The following EIF2AK1 variants were observed in gnomAD, a reference collection of about 807,000 sequenced individuals.
EIF2AK1 encodes the protein eukaryotic translation initiation factor 2-alpha kinase 1.
EIF2AK1 carries 54 observed loss-of-function variants against 77.9 expected under a neutral mutation model. The observed-to-expected ratio is 0.69, with a 90% CI of 0.56 to 0.87. EIF2AK1 has a LOEUF of 0.87. EIF2AK1 is among the 40% of genes least tolerant of loss of function. The pLI is 0.00. For synonymous variants in EIF2AK1, 314 were observed against 290.5 expected (o/e 1.08, Z -0.82); for missense variants, 810 against 768.6 (o/e 1.05, Z -0.64).
chr7:6,031,661 C>T (rs1324198879), intron 11 of EIF2AK1: 27 of 1,460,866 alleles, frequency 1.8e-5, no homozygotes, highest in Non-Finnish European at 2.4e-5. Flanking sequence ...TGATCTAAAG[C>T]TGGTGAACCC....
At position 6,035,913 on chromosome 7, in the gene EIF2AK1, C is replaced by T. The variant is rs1052889850; in HGVS notation, c.1332+1511G>A. The T allele has an allele frequency of 1.4e-5, 21 of 1,546,624 alleles. No individual in the cohort carries two copies. Among genetic ancestry groups the T allele is most frequent in the Non-Finnish European group, 1.8e-5 (21 of 1,144,494 alleles). On this transcript the variant is annotated intron_variant, in intron 11 of 14. Transcript: ENST00000199389. The surrounding 1 kb of genome is among the most constrained non-coding windows in gnomAD (Gnocchi z 5.5). ...CCTCGGGGCGGGGGTCAGCTGCATC[C>T]GTCTGCTACTCACTCACGGAGCCAA...
At chr7:6,046,240 A>C in intron 5 of EIF2AK1, 89 bp from the exon 6 acceptor site, 1 of 660,506 alleles carries the variant, frequency 1.5e-6, no homozygotes, top group East Asian at 3.3e-5. Context: ...TAGACAATCC[A>C]AACTAGCCAA....
In EIF2AK1 at chr7:6,023,907, A is replaced by T. The variant is rs906157945; in HGVS notation, c.*766T>A. On this transcript the variant is annotated 3_prime_UTR_variant, in exon 15 of 15. Transcript: ENST00000199389. ...GTGATGACTGCCAACTCCATGGCAG[A>T]CCCTTTCTGGGATTCAAAAACCAAT... 4.7e-6 allele frequency: 7 copies of T among 1,495,652 alleles called. No homozygotes were observed. Among genetic ancestry groups the T allele is most frequent in the Non-Finnish European group, 5.4e-6 (6 of 1,119,558 alleles). The allele number at this position is 1,495,652 out of a possible 1,614,324, so 92.6% of individuals were successfully genotyped here.
intron 6 of EIF2AK1, among the ~76,000 whole-genome samples, 200 bp from the exon 7 acceptor site, chr7:6,044,861 A>G (rs935322597): frequency 2.0e-5 from 3 of 152,212 alleles, no homozygotes; most frequent in African/African-American, 7.2e-5. Flanking sequence ...GTATTTTATT[A>G]TAAAATATGC....
rs571116443 is a variant in EIF2AK1, at chr7:6,041,156, G to A, written c.855C>T (p.Thr285=). ...SSSSIIFAEP[T]PEKEKRFGES... ...CTCCAAAGCGTTTTTCTTTTTCTGG[G>A]GTGGGCTCAGCAAAGATAATGGATG... The change falls in exon 9 of 15, where the codon ACC becomes ACT. Residue 285 remains threonine, a synonymous_variant. Transcript: ENST00000199389. 1.9e-6 allele frequency: 3 copies of A among 1,613,868 alleles called. No homozygotes were observed. Among genetic ancestry groups the A allele is most frequent in the African/African-American group, 2.7e-5 (2 of 74,928 alleles).
At chr7:6,031,627 A>C in intron 11 of EIF2AK1, 1 of 1,543,692 alleles carries the variant, frequency 6.5e-7, no homozygotes, top group Non-Finnish European at 8.8e-7. Flanking sequence ...TCTGGAAAAA[A>C]GTCAGGCTGC....
chr7:6,029,632 TGTACACAAGTGCTTCCCA>T (rs1277568998), intron 11 of EIF2AK1, among the ~76,000 whole-genome samples: 1 of 152,202 alleles, frequency 6.6e-6, no homozygotes, highest in African/African-American at 2.4e-5. Flanking sequence ...GAGCATGCTT[TGTACACAAGTGCTTCCCA>T]ACCCTTACTG....
rs138122047 is a variant in EIF2AK1, at chr7:6,026,879, G to A, written c.1613C>T (p.Thr538Ile). ...GTEMERAEVL[T>I]GLRTGQLPES... ...CGGCAACTGACCAGTTCTTAAACCT[G>A]TTAGAACTTCTGCTCGCTCCATTTC... Residue 538 changes from threonine to isoleucine, a missense_variant, in exon 14 of 15, where the codon ACA (threonine) becomes ATA (isoleucine). Physicochemically the swap from Thr to Ile is moderately conservative, Grantham distance 89. Around this residue, in one of 3 missense-constraint regions of EIF2AK1, gnomAD observed 549 missense variants for 533.7 expected, o/e 1.03. Transcript: ENST00000199389. 20 of 1,614,000 alleles carry A rather than the reference G, an allele frequency of 1.2e-5. No homozygotes were observed. Among genetic ancestry groups the A allele is most frequent in the Non-Finnish European group, 1.6e-5 (19 of 1,180,034 alleles).
At chr7:6,026,619 TG>T in intron 14 of EIF2AK1, 108 bp downstream of exon 14, 1 of 842,368 alleles carries the variant, frequency 1.2e-6, no homozygotes, top group Non-Finnish European at 2.0e-6. Flanking sequence ...AACCATCATC[TG>T]GCTCTTCCAG....
chr7:6,026,725 T>C lies in EIF2AK1; in HGVS notation c.1764+3A>G, dbSNP rs1443305892. 1.2e-6 allele frequency: 2 copies of C among 1,611,392 alleles called. No homozygotes were observed. The highest frequency in any genetic ancestry group is 1.7e-6 in the Non-Finnish European group (2 of 1,177,648). ...CAGGACCAAGAGAAAGAAAAGCACA[T>C]ACATTTCCAGAATTTTGGAAAAGTT... On this transcript the variant is annotated splice_donor_region_variant and intron_variant, in intron 14 of 14. Transcript: ENST00000199389.
chr7:6,026,325 G>A, intron 14 of EIF2AK1: 2 of 406,842 alleles, frequency 4.9e-6, no homozygotes, highest in Non-Finnish European at 1.0e-5. Flanking sequence ...AAGGGTCAGA[G>A]TTTGACCTGG....
intron 4 of EIF2AK1, chr7:6,047,379 T>C (rs1788476523): frequency 2.3e-6 from 1 of 434,406 alleles, no homozygotes; most frequent in African/African-American, 2.0e-5. Flanking sequence ...CAGAAATAAA[T>C]TTACTGAAAT....
intron 2 of EIF2AK1, among the ~76,000 whole-genome samples, chr7:6,051,949 G>A (rs1188599008): frequency 6.6e-6 from 1 of 151,970 alleles, no homozygotes; most frequent in Non-Finnish European, 1.5e-5. Context: ...AAGGCCAGTG[G>A]ATCATGAGGT....
At chr7:6,043,694 TG>T (rs1465653870) in intron 7 of EIF2AK1, among the ~76,000 whole-genome samples, 1 of 151,814 alleles carries the variant, frequency 6.6e-6, no homozygotes, top group Non-Finnish European at 1.5e-5. Flanking sequence ...CCCAAAGTGT[TG>T]GGATTACAGC....
At chr7:6,044,682 G>T (rs747384733) in intron 6 of EIF2AK1, 21 bp from the exon 7 acceptor site, 4 of 1,599,130 alleles carry the variant, frequency 2.5e-6, no homozygotes, top group Non-Finnish European at 2.6e-6. Flanking sequence ...AATGGAAGTA[G>T]ATCTGCCTTT....
intron 2 of EIF2AK1, among the ~76,000 whole-genome samples, chr7:6,052,072 T>G (rs1240433801): frequency 1.3e-5 from 2 of 149,560 alleles, no homozygotes; most frequent in Admixed American, 1.4e-4. Flanking sequence ...CTTGGGAGGC[T>G]GAGGCAAGAG....
chr7:6,024,269 A>AG lies in EIF2AK1; in HGVS notation c.*403dup, dbSNP rs1458725841. The AG allele has an allele frequency of 8.3e-7, 1 of 1,210,012 alleles. No individual in the cohort carries two copies. The highest frequency in any genetic ancestry group is 1.6e-5 in the African/African-American group (1 of 63,332). The allele number at this position is 1,210,012 out of a possible 1,614,324, so 75.0% of individuals were successfully genotyped here. ...TAATGAACTTCAGCTGCAGTGTGAA[A>AG]GGGGCAGGAAGACTGGCAGCTGTCA... On this transcript the variant is annotated 3_prime_UTR_variant, in exon 15 of 15. Transcript: ENST00000199389.
In EIF2AK1 at chr7:6,028,957, G is replaced by A; in HGVS notation, c.1408C>T (p.Leu470=). The A allele has an allele frequency of 5.0e-6, 8 of 1,610,822 alleles. No individual in the cohort carries two copies. The highest frequency in any genetic ancestry group is 5.9e-6 in the Non-Finnish European group (7 of 1,179,334). ...TTGGTCCAGTCTGTGTTCTTCTGTA[G>A]GATGTCTGTGCAGGCCAGACCAAAG... The part of the protein sequence containing the change: ...GDFGLACTDI[L]QKNTDWTNRN... Residue 470 remains leucine, a synonymous_variant, in exon 12 of 15, where the codon CTA becomes TTA. Transcript: ENST00000199389.
chr7:6,048,791 A>C lies in EIF2AK1; in HGVS notation c.449+16T>G, dbSNP rs201656248. ...TTTCAATAGTCTGCATAATCAAGAA[A>C]GTTTTTCACACATACCTGATTTTCT... On this transcript the variant is annotated intron_variant, in intron 4 of 14. Transcript: ENST00000199389. The C allele has an allele frequency of 1.6e-5, 25 of 1,572,968 alleles. No homozygotes were observed. The highest frequency in any genetic ancestry group is 1.4e-5 in the African/African-American group (1 of 73,086).
Sources: gnomAD v4.1 joint callset for allele counts (sites outside exome capture counted in the v4.1 genomes callset) on GRCh38, gnomAD v4.1.1 for gene constraint, gnomAD v4.1.1 regional missense constraint, Gnocchi (gnomAD v3.1) non-coding constraint, MANE v1.5 for transcripts, NCBI Gene and HGNC (gene_info 2026-07-23, HGNC 2026-07-21) for gene names.